Variants in PTPRD observed in about 807,000 individuals in gnomAD.
The protein encoded by PTPRD is receptor-type tyrosine-protein phosphatase delta.
Under a neutral mutation model 214.5 loss-of-function variants are expected in PTPRD, and 34 were observed. The ratio of observed to expected loss-of-function variants is 0.16; its 90% CI spans 0.12 to 0.21. The LOEUF (loss-of-function observed/expected upper bound fraction) is 0.21. Among genes scored for constraint, PTPRD ranks in the 10% least tolerant of loss-of-function variants. The probability of loss-of-function intolerance (pLI) is 1.00; values close to 1 mark genes in which losing one functional copy is unlikely to be tolerated. For missense variants in PTPRD, 2,545 were observed against 2,398.7 expected, an observed-to-expected ratio of 1.06 and a Z score of -1.27; for synonymous variants, 1,128 against 845.7, an observed-to-expected ratio of 1.33 and a Z score of -5.79.
At chr9:8,688,605 C>A (rs966292647) in intron 12 of PTPRD, among the ~76,000 whole-genome samples, 4 of 150,988 alleles carry the variant, frequency 2.6e-5, no homozygotes, top group Admixed American at 1.3e-4. Context: ...AAGATGGTAT[C>A]TGGATAGCAA....
intron 12 of PTPRD, among the ~76,000 whole-genome samples, chr9:8,716,669 C>T (rs2098440093): frequency 7.3e-6 from 1 of 137,624 alleles, no homozygotes; most frequent in African/African-American, 3.6e-5. Flanking sequence ...CTTTAAGCTG[C>T]ACTAGGAAAA....
In PTPRD at chr9:9,941,479, C is replaced by G. The variant is rs565150183; in HGVS notation, c.-471-2869G>C. ...CTGGGATTACAGGAACCCAGCACCACGCCTGGGTAATTTTTGTATTTTTAG... is the reference window on the plus strand; with the variant it reads ...CTGGGATTACAGGAACCCAGCACCAGGCCTGGGTAATTTTTGTATTTTTAG... On this transcript the variant is annotated intron_variant, in intron 4 of 45. Coordinates refer to ENST00000381196, the MANE Select transcript of PTPRD (RefSeq NM_002839.4). 2.0e-5 allele frequency among the ~76,000 whole-genome samples: 3 copies of G among 152,070 alleles called. No homozygotes were observed. The South Asian group carries it at 6.2e-4, about 32-fold the overall frequency.
chr9:9,524,950 C>CCG (rs2073725201), intron 8 of PTPRD, among the ~76,000 whole-genome samples: 1 of 152,108 alleles, frequency 6.6e-6, no homozygotes, highest in Non-Finnish European at 1.5e-5. Context: ...CTCCGCCTTC[C>CCG]AGGTTCACGC....
At chr9:9,947,332 T>G (rs1246693830) in intron 4 of PTPRD, among the ~76,000 whole-genome samples, 1 of 60,870 alleles carries the variant, frequency 1.6e-5, no homozygotes, top group East Asian at 1.3e-3. Flanking sequence ...ATATTATATA[T>G]GTATTATATA....
Position 9,545,363 on chromosome 9 carries a change from C to T in PTPRD, c.-237+29369G>A, listed in dbSNP as rs771951318. On this transcript the variant is annotated intron_variant, in intron 8 of 45. Transcript: ENST00000381196. ...GATATTTTTAATGTCTCCACAGTTTCGTCTTTTCTAGAATGTCATATAGTT... is the reference window on the plus strand; with the variant it reads ...GATATTTTTAATGTCTCCACAGTTTTGTCTTTTCTAGAATGTCATATAGTT... 1.0e-3 allele frequency among the ~76,000 whole-genome samples: 152 copies of T among 151,806 alleles called. 1 individual carries two copies. The highest frequency in any genetic ancestry group is 4.6e-4 in the Admixed American group (7 of 15,196).
At chr9:8,993,011 G>C (rs928026782) in intron 11 of PTPRD, among the ~76,000 whole-genome samples, 8 of 152,150 alleles carry the variant, frequency 5.3e-5, no homozygotes, top group Non-Finnish European at 1.2e-4. Context: ...GTCTTCCTGA[G>C]CCGTTGGAAT....
chr9:8,511,110 C>G (rs765252770), intron 21 of PTPRD, among the ~76,000 whole-genome samples: 7 of 151,892 alleles, frequency 4.6e-5, no homozygotes, highest in African/African-American at 1.7e-4. Flanking sequence ...ACTCTATCAC[C>G]CAGGCTGGAG....
intron 9 of PTPRD, among the ~76,000 whole-genome samples, chr9:9,231,935 C>G (rs976130778): frequency 1.3e-5 from 2 of 152,078 alleles, no homozygotes; most frequent in Non-Finnish European, 2.9e-5. Context: ...TTCTGTCACT[C>G]TCCATCCAGG....
chr9:9,775,123 G>T (rs962972305), intron 5 of PTPRD, among the ~76,000 whole-genome samples: 2 of 152,114 alleles, frequency 1.3e-5, no homozygotes, highest in African/African-American at 4.8e-5. Context: ...TCTGTAACAG[G>T]CATTTACGTA....
intron 26 of PTPRD, among the ~76,000 whole-genome samples, chr9:8,493,884 A>G (rs1190687669): frequency 6.6e-6 from 1 of 152,046 alleles, no homozygotes; most frequent in East Asian, 1.9e-4. Context: ...AGGTTATGGG[A>G]TTCTTTAGAG....
intron 14 of PTPRD, among the ~76,000 whole-genome samples, chr9:8,616,138 C>T (rs1443578344): frequency 1.3e-5 from 2 of 152,126 alleles, no homozygotes; most frequent in Admixed American, 6.6e-5. Context: ...ATAATTCACT[C>T]TACCACCAAA....
chr9:8,467,667 G>C lies in PTPRD; in HGVS notation c.3505-1992C>G, dbSNP rs573789745. The stretch of plus-strand genomic sequence containing the variant: ...TAAGGAAATATAATGTTTAAGCTCT[G>C]ATACTCTAAATTGTTCTAACTCTGT... On this transcript the variant is annotated intron_variant, in intron 31 of 45. Transcript: ENST00000381196. Among the ~76,000 whole-genome samples the C allele has an allele frequency of 2.0e-5, 3 of 151,688 alleles. No homozygotes were observed. In the East Asian group the frequency reaches 5.9e-4, roughly 30 times the overall value.
At chr9:8,596,498 A>G (rs2094484612) in intron 14 of PTPRD, among the ~76,000 whole-genome samples, 1 of 152,094 alleles carries the variant, frequency 6.6e-6, no homozygotes, top group Non-Finnish European at 1.5e-5. Context: ...CACATAAAGA[A>G]AAAAACAGAC....
At chr9:8,371,323 T>C (rs1439086405) in intron 39 of PTPRD, among the ~76,000 whole-genome samples, 1 of 152,118 alleles carries the variant, frequency 6.6e-6, no homozygotes, top group African/African-American at 2.4e-5. Flanking sequence ...AAATGCCATA[T>C]GTAATTCAAC....
intron 9 of PTPRD, 83 bp from the exon 10 acceptor site, chr9:9,183,446 A>C (rs1035472073): frequency 6.6e-5 from 10 of 151,980 alleles, no homozygotes; most frequent in African/African-American, 2.4e-4. Context: ...CTGTCACCCC[A>C]TTTTTTAGTG....
chr9:8,776,653 A>G (rs897124956), intron 11 of PTPRD, among the ~76,000 whole-genome samples: 2 of 152,008 alleles, frequency 1.3e-5, no homozygotes, highest in Non-Finnish European at 2.9e-5. Context: ...GCTCTGTAAG[A>G]TTATTTTAGC....
chr9:9,789,328 A>G (rs1470817911), intron 5 of PTPRD, among the ~76,000 whole-genome samples: 4 of 152,218 alleles, frequency 2.6e-5, no homozygotes, highest in Non-Finnish European at 5.9e-5. Flanking sequence ...TCAGTGCGTA[A>G]CTATTCAAGC....
intron 7 of PTPRD, among the ~76,000 whole-genome samples, chr9:9,719,891 C>T (rs1013828460): frequency 3.9e-5 from 6 of 152,196 alleles, no homozygotes; most frequent in Non-Finnish European, 4.4e-5. Context: ...GTGCTGCCAC[C>T]TGTGCTAGTG....
intron 2 of PTPRD, among the ~76,000 whole-genome samples, chr9:10,591,734 G>T (rs574512728): frequency 6.6e-6 from 1 of 151,950 alleles, no homozygotes; most frequent in Non-Finnish European, 1.5e-5. Flanking sequence ...GTTGTGTGTG[G>T]ACTGTGCTTA....
Sources: gnomAD v4.1 joint callset for allele counts (sites outside exome capture counted in the v4.1 genomes callset) on GRCh38, gnomAD v4.1.1 for gene constraint, MANE v1.5 for transcripts, NCBI Gene and HGNC (gene_info 2026-07-23, HGNC 2026-07-21) for gene names.